Variants in SLC2A9 observed in about 807,000 individuals in gnomAD.
SLC2A9 encodes solute carrier family 2 member 9.
Under a neutral mutation model 50.6 loss-of-function variants are expected in SLC2A9, and 39 were observed. That is an observed-to-expected ratio of 0.77 (90% confidence interval 0.60 to 1.01). The LOEUF is 1.01. Ranked by LOEUF, SLC2A9 falls within the 50% of genes least tolerant of loss-of-function variation. SLC2A9 has a pLI of 0.00. For synonymous variants in SLC2A9, 324 were observed against 276.9 expected (o/e 1.17, Z -1.69); for missense variants, 686 against 677.6 (o/e 1.01, Z -0.14).
At chr4:9,871,514 G>A (rs561008405) in intron 10 of SLC2A9, among the ~76,000 whole-genome samples, 2 of 152,074 alleles carry the variant, frequency 1.3e-5, no homozygotes, top group African/African-American at 2.4e-5. Context: ...TGCATCGCTC[G>A]CTCTAATCTC....
intron 10 of SLC2A9, among the ~76,000 whole-genome samples, chr4:9,872,351 C>T (rs1244040092): frequency 6.6e-6 from 1 of 152,142 alleles, no homozygotes. Flanking sequence ...ATGAAAGTCA[C>T]ATTGTCAGCT....
intron 8 of SLC2A9, among the ~76,000 whole-genome samples, chr4:9,892,066 C>T (rs1182031440): frequency 1.3e-5 from 2 of 152,244 alleles, no homozygotes; most frequent in African/African-American, 4.8e-5. Context: ...TCCTCATACC[C>T]TGCTCCTTAG....
downstream of SLC2A9, among the ~76,000 whole-genome samples, chr4:9,779,468 G>A (rs184492992): frequency 1.2e-3 from 175 of 150,946 alleles, no homozygotes; most frequent in African/African-American, 4.1e-3. Flanking sequence ...AGGCTGGAGT[G>A]TGGTGGTGTG....
intron 3 of SLC2A9, among the ~76,000 whole-genome samples, chr4:9,812,684 G>C (rs1251938708): frequency 6.6e-6 from 1 of 152,092 alleles, no homozygotes; most frequent in African/African-American, 2.4e-5. Context: ...CTAAATTCAA[G>C]AGACACATAG....
intron 10 of SLC2A9, among the ~76,000 whole-genome samples, chr4:9,859,934 C>T (rs1189130318): frequency 6.6e-6 from 1 of 152,224 alleles, no homozygotes; most frequent in African/African-American, 2.4e-5. Flanking sequence ...GCTGAATACC[C>T]CTTGGCTGCA....
chr4:9,850,800 A>T (rs1250708325), intron 10 of SLC2A9, among the ~76,000 whole-genome samples: 1 of 152,054 alleles, frequency 6.6e-6, no homozygotes, highest in African/African-American at 2.4e-5. Flanking sequence ...CATTCATCAC[A>T]TAATGCCACC....
chr4:9,870,998 C>A (rs538006173), intron 10 of SLC2A9, among the ~76,000 whole-genome samples: 1 of 152,140 alleles, frequency 6.6e-6, no homozygotes, highest in African/African-American at 2.4e-5. Context: ...CTCATTGCAA[C>A]CTTCAACTCC....
At chr4:9,802,811 G>T (rs1406691087) in intron 3 of SLC2A9, among the ~76,000 whole-genome samples, 1 of 152,100 alleles carries the variant, frequency 6.6e-6, no homozygotes, top group Non-Finnish European at 1.5e-5. Context: ...GAATCCACCT[G>T]CCTTGGCCTC....
chr4:9,777,879 G>T (rs940569387), downstream of SLC2A9, among the ~76,000 whole-genome samples: 1 of 152,164 alleles, frequency 6.6e-6, no homozygotes, highest in East Asian at 1.9e-4. Context: ...CTGGAGAACT[G>T]ATTGAGCTGG....
downstream of SLC2A9, among the ~76,000 whole-genome samples, chr4:9,824,867 C>T (rs910603060): frequency 6.6e-6 from 1 of 152,184 alleles, no homozygotes; most frequent in Admixed American, 6.5e-5. Context: ...ACTTTCTCTT[C>T]GTCTTGACAA....
chr4:9,812,253 G>T (rs1477807684), intron 3 of SLC2A9, among the ~76,000 whole-genome samples: 1 of 152,136 alleles, frequency 6.6e-6, no homozygotes, highest in Non-Finnish European at 1.5e-5. Context: ...TCATTCAGCT[G>T]CACTTTATTT....
At chr4:9,826,910 G>A (rs11930077) in intron 11 of SLC2A9, among the ~76,000 whole-genome samples, 21,583 of 152,092 alleles carry the variant, frequency 0.14, 1,905 homozygotes, top group African/African-American at 0.25. Flanking sequence ...CTGAATATTA[G>A]CTTAAGCTTA....
Position 9,783,434 on chromosome 4 carries a change from A to G in SLC2A9, n.386-3369T>C, listed in dbSNP as rs766382205. 24 of 1,612,386 alleles carry G rather than the reference A, an allele frequency of 1.5e-5. No homozygotes were observed. In the East Asian group the frequency reaches 4.7e-4, roughly 31 times the overall value. ...GGGGGAGATTTCTTTAGACAAAATA[A>G]CACCTTTCACCCCGAATGGATTCCA... On this transcript the variant is annotated intron_variant and non_coding_transcript_variant, in intron 3 of 3. Coordinates refer to the SLC2A9 transcript ENST00000503803.
Position 9,826,402 on chromosome 4 carries a change from G to C in SLC2A9, c.1618C>G (p.Pro540Ala), listed in dbSNP as rs755671863. The C allele has an allele frequency of 5.0e-6, 8 of 1,613,916 alleles. No homozygotes were observed. Among genetic ancestry groups the C allele is most frequent in the South Asian group, 3.3e-5 (3 of 91,080 alleles). Reference protein sequence around the residue: ...AVTDGKINGRP With the variant: ...AVTDGKINGRA ...AACGTGGAGGAGGAAACTTGTTAAG[G>C]CCTTCCATTTATCTTACCATCAGTG... The change falls in exon 12 of 12, where the codon CCT becomes GCT. Residue 540 changes from proline to alanine, a missense_variant. Physicochemically the swap from Pro to Ala is conservative, Grantham distance 27. Transcript: ENST00000264784.
intron 3 of SLC2A9, among the ~76,000 whole-genome samples, chr4:9,789,304 T>C (rs1472509876): frequency 2.6e-5 from 4 of 152,224 alleles, no homozygotes; most frequent in African/African-American, 7.2e-5. Context: ...TTATGTGCTG[T>C]GATGCATGTG....
At chr4:9,932,732 A>G (rs1348194625) in intron 6 of SLC2A9, among the ~76,000 whole-genome samples, 4 of 152,180 alleles carry the variant, frequency 2.6e-5, no homozygotes, top group Non-Finnish European at 5.9e-5. Flanking sequence ...CATTTGCCCT[A>G]TTGGGACTCA....
intron 9 of SLC2A9, among the ~76,000 whole-genome samples, chr4:9,889,005 C>T (rs1290768509): frequency 6.6e-6 from 1 of 152,154 alleles, no homozygotes; most frequent in Admixed American, 6.5e-5. Context: ...TGGTTCATGC[C>T]AGGCCCTTGC....
At chr4:10,030,648 C>G (rs1763913863) in intron 1 of SLC2A9, among the ~76,000 whole-genome samples, 1 of 152,126 alleles carries the variant, frequency 6.6e-6, no homozygotes, top group South Asian at 2.1e-4. Flanking sequence ...TAAAGCTCCT[C>G]TAAATACAAA....
rs1457699371 is a variant in SLC2A9, at chr4:9,815,776, T to C, written n.420+10644A>G. On this transcript the variant is annotated intron_variant and non_coding_transcript_variant, in intron 3 of 3. Transcript: ENST00000503280. ...GTTTTGAAGTCCTTCAAAATGTCTA[T>C]AAAGAGCAGCAGCCAAGGTGTCTAA... Among the ~76,000 whole-genome samples, 6 of 152,200 alleles carry C rather than the reference T, an allele frequency of 3.9e-5. No homozygotes were observed. The East Asian group carries it at 7.7e-4, about 20-fold the overall frequency.
Sources: gnomAD v4.1 joint callset for allele counts (sites outside exome capture counted in the v4.1 genomes callset) on GRCh38, gnomAD v4.1.1 for gene constraint, MANE v1.5 for transcripts, NCBI Gene and HGNC (gene_info 2026-07-23, HGNC 2026-07-21) for gene names.